The following CCDC88A variants were observed in gnomAD, a reference collection of about 807,000 sequenced individuals.
CCDC88A encodes coiled-coil and HOOK domain protein 88A.
In CCDC88A, 54 loss-of-function variants were observed where a neutral mutation model predicts 234.3. The observed-to-expected ratio is 0.23, with a 90% CI of 0.19 to 0.29. The LOEUF is 0.29. Ranked by LOEUF, CCDC88A falls within the 10% of genes least tolerant of loss-of-function variation. The probability of loss-of-function intolerance (pLI) is 1.00; values close to 1 mark genes in which losing one functional copy is unlikely to be tolerated. For synonymous variants in CCDC88A, 753 were observed against 737.8 expected (o/e 1.02, Z -0.33); for missense variants, 1,832 against 2,123.4 (o/e 0.86, Z 2.70).
intron 4 of CCDC88A, 70 bp from the exon 5 acceptor site, chr2:55,372,580 C>A (rs1461487873): frequency 5.3e-6 from 4 of 759,060 alleles, no homozygotes; most frequent in Non-Finnish European, 9.0e-6. Context: ...TGGAGAATCA[C>A]TTCTAGAGGT....
rs1212078617 is a variant in CCDC88A at position 55,369,898 on chromosome 2, CTT to C, written c.402+2552_402+2553del. ...TCACCTCAAACTCGTACTGTTTACTCTTGTCTTCTCTAAAATTCAAACTCCTT... is the reference window on the plus strand; with the variant it reads ...TCACCTCAAACTCGTACTGTTTACTCGTCTTCTCTAAAATTCAAACTCCTT... On this transcript the variant is annotated intron_variant, in intron 5 of 32. Transcript: ENST00000436346. 4.6e-5 allele frequency among the ~76,000 whole-genome samples: 7 copies of C among 152,306 alleles called. No homozygotes were observed. The East Asian group carries it at 1.3e-3, about 29-fold the overall frequency.
intron 2 of CCDC88A, chr2:55,405,104 T>G (rs1042567058): frequency 6.6e-6 from 1 of 152,242 alleles, no homozygotes; most frequent in Non-Finnish European, 1.5e-5. Context: ...TTCCTCAACT[T>G]GGTTCCTCCA....
chr2:55,408,875 C>T (rs1680021634), intron 2 of CCDC88A, among the ~76,000 whole-genome samples: 1 of 152,122 alleles, frequency 6.6e-6, no homozygotes, highest in South Asian at 2.1e-4. Flanking sequence ...TCTGTAAGTT[C>T]CTCCTGATAC....
At chr2:55,380,209 C>G (rs551772165) in intron 3 of CCDC88A, among the ~76,000 whole-genome samples, 1 of 151,888 alleles carries the variant, frequency 6.6e-6, no homozygotes, top group South Asian at 2.1e-4. Context: ...GCACTCCAGC[C>G]TGGGCGACAG....
At chr2:55,316,459 T>C (rs780316552) in intron 21 of CCDC88A, among the ~76,000 whole-genome samples, 1 of 152,190 alleles carries the variant, frequency 6.6e-6, no homozygotes, top group Non-Finnish European at 1.5e-5. Flanking sequence ...TCCATGTCTG[T>C]AATCCCAGCA....
chr2:55,324,261 G>C (rs928956799), intron 17 of CCDC88A: 4 of 152,178 alleles, frequency 2.6e-5, no homozygotes, highest in African/African-American at 4.8e-5. Context: ...TAATTTGCAT[G>C]AAGTTGCTAA....
intron 3 of CCDC88A, among the ~76,000 whole-genome samples, chr2:55,380,069 A>AAG (rs1674346427): frequency 6.8e-6 from 1 of 147,314 alleles, no homozygotes; most frequent in African/African-American, 2.5e-5. Flanking sequence ...ACTAAAAAAA[A>AAG]AAAAAAAAAA....
At chr2:55,396,573 TAAA>T (rs1007875017) in intron 2 of CCDC88A, among the ~76,000 whole-genome samples, 1 of 150,940 alleles carries the variant, frequency 6.6e-6, no homozygotes, top group East Asian at 1.9e-4. Flanking sequence ...AAGTCTGACT[TAAA>T]AAAAAAGGTT....
chr2:55,348,173 C>G (rs973327622), intron 9 of CCDC88A, among the ~76,000 whole-genome samples: 4 of 152,152 alleles, frequency 2.6e-5, no homozygotes, highest in Admixed American at 1.3e-4. Flanking sequence ...TCACGTTGCC[C>G]AGGCAGGTCT....
In CCDC88A at chr2:55,397,551, GATT is replaced by G. The variant is rs1217557517; in HGVS notation, c.165-8668_165-8666del. Among the ~76,000 whole-genome samples, 9 of 151,554 alleles carry G rather than the reference GATT, an allele frequency of 5.9e-5. No individual in the cohort carries two copies. In the East Asian group the frequency reaches 1.7e-3, roughly 29 times the overall value. On this transcript the variant is annotated intron_variant, in intron 2 of 32. Transcript: ENST00000436346. ...TTGGATAATCCAAATGCATAATTTG[GATT>G]ATATTATACTTTGGATGCATAATAT...
At chr2:55,387,069 C>T (rs1002255933) in intron 3 of CCDC88A, among the ~76,000 whole-genome samples, 33 of 149,192 alleles carry the variant, frequency 2.2e-4, no homozygotes, top group Non-Finnish European at 5.9e-5. Context: ...CCCTGCTACT[C>T]GGGCAGCTGA....
At chr2:55,300,584 C>G (rs979995399) in intron 28 of CCDC88A, 1 of 152,556 alleles carries the variant, frequency 6.6e-6, no homozygotes, top group Non-Finnish European at 1.5e-5. Flanking sequence ...AATCTTGGCT[C>G]ACTGCAACCT....
At chr2:55,371,374 TTC>T (rs1322682645) in intron 5 of CCDC88A, among the ~76,000 whole-genome samples, 2 of 152,326 alleles carry the variant, frequency 1.3e-5, no homozygotes, top group South Asian at 4.1e-4. Flanking sequence ...GACATATAAT[TTC>T]TGTTATATGT....
At chr2:55,387,591 A>G (rs1012452474) in intron 3 of CCDC88A, among the ~76,000 whole-genome samples, 2 of 151,762 alleles carry the variant, frequency 1.3e-5, no homozygotes, top group Non-Finnish European at 2.9e-5. Context: ...AGACCAGCCT[A>G]GCCAACATGG....
At chr2:55,405,641 A>G (rs1414123425) in intron 2 of CCDC88A, 1 of 152,284 alleles carries the variant, frequency 6.6e-6, no homozygotes, top group Non-Finnish European at 1.5e-5. Flanking sequence ...GCAGGCAAGC[A>G]TTACCACCTG....
At position 55,334,768 on chromosome 2, in the gene CCDC88A, G is replaced by C; in HGVS notation, c.2053C>G (p.Leu685Val). 4 of 1,606,976 alleles carry C rather than the reference G, an allele frequency of 2.5e-6. No individual in the cohort carries two copies. The highest frequency in any genetic ancestry group is 3.4e-6 in the Non-Finnish European group (4 of 1,177,490). The change falls in exon 15 of 33, where the codon CTG (leucine) becomes GTG (valine). Residue 685 changes from leucine to valine, a missense_variant. Around this residue, in one of 6 missense-constraint regions of CCDC88A, gnomAD observed 1,282 missense variants for 1,543.6 expected, o/e 0.83. Transcript: ENST00000436346. The surrounding 1 kb of genome is among the most constrained non-coding windows in gnomAD (Gnocchi z 6.1). ...TCTAGGGATTCTAACTGAAAGGTCA[G>C]ATTTTTAAAGCTATCCAATGTTTTT... is the stretch of plus-strand genomic sequence containing the variant. Reference protein sequence around the residue: ...LKKTLDSFKNLTFQLESLEKE... With the variant: ...LKKTLDSFKNVTFQLESLEKE...
chr2:55,303,304 T>G (rs1681113538), intron 25 of CCDC88A, among the ~76,000 whole-genome samples, 152 bp from the exon 26 acceptor site: 1 of 152,208 alleles, frequency 6.6e-6, no homozygotes, highest in Non-Finnish European at 1.5e-5. Flanking sequence ...ATTCTCATGC[T>G]GCTGAGTGAT....
chr2:55,336,943 G>C (rs1685520773), intron 13 of CCDC88A, 125 bp from the exon 14 acceptor site: 4 of 552,144 alleles, frequency 7.2e-6, no homozygotes. Context: ...TAAAATTTAA[G>C]AAATTAGTAT....
At chr2:55,297,150 A>T (rs996200311) in intron 29 of CCDC88A, 1 of 148,874 alleles carries the variant, frequency 6.7e-6, no homozygotes, top group Non-Finnish European at 1.5e-5. Flanking sequence ...GCGCCACTGC[A>T]CTCTGGCCTG....
Sources: gnomAD v4.1 joint callset for allele counts (sites outside exome capture counted in the v4.1 genomes callset) on GRCh38, gnomAD v4.1.1 for gene constraint, gnomAD v4.1.1 regional missense constraint, Gnocchi (gnomAD v3.1) non-coding constraint, MANE v1.5 for transcripts, NCBI Gene and HGNC (gene_info 2026-07-23, HGNC 2026-07-21) for gene names.